Variants in GABRR1 observed in about 807,000 individuals in gnomAD.
GABRR1 encodes gamma-aminobutyric acid type A receptor subunit rho1, also known as gamma-aminobutyric acid receptor subunit rho-1.
Under a neutral mutation model 55.5 loss-of-function variants are expected in GABRR1, and 59 were observed. The observed-to-expected ratio is 1.06, with a 90% CI of 0.86 to 1.32. GABRR1 has a LOEUF of 1.32. Ranked by LOEUF, GABRR1 falls within the 40% of genes most tolerant of loss-of-function variation. The pLI is 0.00. For synonymous variants in GABRR1, 213 were observed against 226.0 expected (o/e 0.94, Z 0.51); for missense variants, 602 against 619.1 (o/e 0.97, Z 0.29).
intron 1 of GABRR1, among the ~76,000 whole-genome samples, chr6:89,224,483 AATC>A (rs1458554830): frequency 6.6e-6 from 1 of 152,202 alleles, no homozygotes; most frequent in East Asian, 1.9e-4. Context: ...TTCTTTTGAG[AATC>A]ATCTATTCAC....
At chr6:89,193,858 A>G (rs1207885245) in intron 5 of GABRR1, among the ~76,000 whole-genome samples, 2 of 152,152 alleles carry the variant, frequency 1.3e-5, no homozygotes, top group African/African-American at 4.8e-5. Context: ...AGAGAAGTAG[A>G]AAAACTGAGA....
chr6:89,212,598 A>G lies in GABRR1; in HGVS notation c.122+4603T>C, dbSNP rs185386434. ...TGGTCCAGGGGCCCATAGTGTAGACAAGTTATGTTTCCATTCTTCCAGGGA... is the reference window on the plus strand; with the variant it reads ...TGGTCCAGGGGCCCATAGTGTAGACGAGTTATGTTTCCATTCTTCCAGGGA... On this transcript the variant is annotated intron_variant, in intron 1 of 9. Transcript: ENST00000454853. Among the ~76,000 whole-genome samples the G allele has an allele frequency of 2.3e-3, 347 of 152,234 alleles. 1 individual carries two copies. Among genetic ancestry groups the G allele is most frequent in the Non-Finnish European group, 2.9e-3 (196 of 68,004 alleles).
intron 6 of GABRR1, 83 bp downstream of exon 6, chr6:89,190,082 C>A: frequency 1.1e-6 from 1 of 920,018 alleles, no homozygotes; most frequent in South Asian, 1.7e-5. Flanking sequence ...ATAAGGAACA[C>A]ACACTGTTCC....
At position 89,178,882 on chromosome 6, in the gene GABRR1, C is replaced by T; in HGVS notation, c.1328G>A (p.Ser443Asn). The change falls in exon 10 of 10, where the codon AGC (serine) becomes AAC (asparagine). Residue 443 changes from serine to asparagine, a missense_variant. By Grantham distance (46) the Ser-to-Asn change is conservative. Around this residue, in one of 3 missense-constraint regions of GABRR1, gnomAD observed 139 missense variants for 141.1 expected, o/e 0.99. Coordinates refer to ENST00000454853, the MANE Select transcript of GABRR1 (RefSeq NM_002042.5). The stretch of plus-strand genomic sequence containing the variant: ...GTCGATTCTCATGCTCACATAGCTG[C>T]TTCTCTGACTTTTCCTCTGTGGGGA... ...RSSPQRKSQRSSYVSMRIDTH... is the reference protein window; with the variant it reads ...RSSPQRKSQRNSYVSMRIDTH... 1 of 1,614,192 alleles carries T rather than the reference C, an allele frequency of 6.2e-7. No individual in the cohort carries two copies.
chr6:89,210,182 ATTTTTTTTTTTTTTTT>A (rs60158472), intron 1 of GABRR1, among the ~76,000 whole-genome samples: 1 of 80,182 alleles, frequency 1.2e-5, no homozygotes, highest in Non-Finnish European at 2.3e-5. Context: ...TTCTGCAGCA[ATTTTTTTTTTTTTTTT>A]TTTTTTTTTT....
chr6:89,202,742 A>G (rs1212861311), intron 2 of GABRR1, among the ~76,000 whole-genome samples: 1 of 152,008 alleles, frequency 6.6e-6, no homozygotes, highest in African/African-American at 2.4e-5. Context: ...TCTGTCATCC[A>G]AGCTGGATTC....
intron 5 of GABRR1, among the ~76,000 whole-genome samples, chr6:89,197,485 G>A (rs987270756): frequency 6.6e-5 from 10 of 152,304 alleles, no homozygotes; most frequent in East Asian, 1.9e-4. Context: ...GCAATTAAAC[G>A]TTTTTAAAGT....
rs1771636062 is a variant in GABRR1, at chr6:89,179,074, T to C, written c.1147-11A>G. The C allele has an allele frequency of 6.2e-7, 1 of 1,610,804 alleles. No homozygotes were observed. The highest frequency in any genetic ancestry group is 1.7e-5 in the Admixed American group (1 of 59,934). On this transcript the variant is annotated splice_polypyrimidine_tract_variant and intron_variant, in intron 9 of 9. Transcript: ENST00000454853. The stretch of plus-strand genomic sequence containing the variant: ...GCTGGTGCAGGGAAGCTGCAAACAG[T>C]AAACACATGTTGGGGTGTGAGCTCA...
intron 4 of GABRR1, among the ~76,000 whole-genome samples, chr6:89,198,781 C>T (rs952407605): frequency 6.6e-6 from 1 of 152,112 alleles, no homozygotes; most frequent in Non-Finnish European, 1.5e-5. Flanking sequence ...CCTTCTCTTC[C>T]TCTCTCCCTT....
At chr6:89,193,817 TG>T (rs1257762439) in intron 5 of GABRR1, among the ~76,000 whole-genome samples, 1 of 152,050 alleles carries the variant, frequency 6.6e-6, no homozygotes, top group East Asian at 1.9e-4. Flanking sequence ...CCAGAGCTCA[TG>T]GATGAGGATG....
chr6:89,204,512 C>G, intron 1 of GABRR1: 1 of 517,300 alleles, frequency 1.9e-6, no homozygotes, highest in South Asian at 2.3e-5. Flanking sequence ...AAGGAATCAG[C>G]CCCCTACATG....
chr6:89,198,202 G>A lies in GABRR1; in HGVS notation c.390C>T (p.Asp130=), dbSNP rs542316892. 27 of 1,614,050 alleles carry A rather than the reference G, an allele frequency of 1.7e-5. No homozygotes were observed. The East Asian group carries it at 2.5e-4, about 15-fold the overall frequency. ...MTLYLRHYWK[D]ERLSFPSTNN... ...TGGTGCTTGGAAAAGACAGCCTCTC[G>A]TCCTTCCAGTAGTGCCTCAGGTAGA... The change falls in exon 5 of 10, where the codon GAC becomes GAT. Residue 130 remains aspartate, a synonymous_variant. Coordinates refer to ENST00000454853, the MANE Select transcript of GABRR1 (RefSeq NM_002042.5).
intron 5 of GABRR1, among the ~76,000 whole-genome samples, chr6:89,196,863 G>GAA (rs1468993520): frequency 8.0e-6 from 1 of 124,778 alleles, no homozygotes; most frequent in Non-Finnish European, 1.8e-5. Context: ...AAGAAAGAAA[G>GAA]AAAGAAAGAA....
chr6:89,195,924 G>A (rs1772258718), intron 5 of GABRR1, among the ~76,000 whole-genome samples: 1 of 152,140 alleles, frequency 6.6e-6, no homozygotes. Flanking sequence ...TTGATTTATT[G>A]TTTTGTTGAT....
chr6:89,223,118 G>A (rs1010994350), intron 1 of GABRR1, among the ~76,000 whole-genome samples: 2 of 151,926 alleles, frequency 1.3e-5, no homozygotes, highest in Admixed American at 6.6e-5. Context: ...GTTCTTTAGT[G>A]GTAATTCGTG....
chr6:89,209,371 G>C (rs183822472), intron 1 of GABRR1, among the ~76,000 whole-genome samples: 1 of 152,188 alleles, frequency 6.6e-6, no homozygotes, highest in East Asian at 1.9e-4. Context: ...CTAACTTGTA[G>C]ATATCTATTT....
At chr6:89,196,859 GAA>G (rs753681396) in intron 5 of GABRR1, among the ~76,000 whole-genome samples, 1 of 132,248 alleles carries the variant, frequency 7.6e-6, no homozygotes, top group Non-Finnish European at 1.6e-5. Flanking sequence ...AAGAAAGAAA[GAA>G]AGAAAGAAAG....
chr6:89,225,388 A>G (rs1269924278), intron 1 of GABRR1, among the ~76,000 whole-genome samples: 1 of 133,958 alleles, frequency 7.5e-6, no homozygotes, highest in African/African-American at 2.9e-5. Context: ...AGCATTAGGT[A>G]TATCTCCCAA....
At chr6:89,194,650 T>G (rs1160171317) in intron 5 of GABRR1, among the ~76,000 whole-genome samples, 1 of 151,928 alleles carries the variant, frequency 6.6e-6, no homozygotes, top group Admixed American at 6.5e-5. Flanking sequence ...ATTCAGAAAT[T>G]TATCAGAGAA....
Sources: gnomAD v4.1 joint callset for allele counts (sites outside exome capture counted in the v4.1 genomes callset) on GRCh38, gnomAD v4.1.1 for gene constraint, gnomAD v4.1.1 regional missense constraint, MANE v1.5 for transcripts, NCBI Gene and HGNC (gene_info 2026-07-23, HGNC 2026-07-21) for gene names.